TBC1D22A: variants seen among roughly 807,000 people sequenced by gnomAD.
TBC1D22A encodes putative GTPase activator.
Under a neutral mutation model 60.2 loss-of-function variants are expected in TBC1D22A, and 38 were observed. That is an observed-to-expected ratio of 0.63 (90% CI 0.49 to 0.83). The LOEUF (loss-of-function observed/expected upper bound fraction) is 0.83. Ranked by LOEUF, TBC1D22A falls within the 40% of genes least tolerant of loss-of-function variation. TBC1D22A has a pLI of 0.00. For synonymous variants in TBC1D22A, 302 were observed against 281.7 expected, an observed-to-expected ratio of 1.07 and a Z score of -0.72; for missense variants, 628 against 701.0, an observed-to-expected ratio of 0.90 and a Z score of 1.18.
intron 11 of TBC1D22A, among the ~76,000 whole-genome samples, chr22:47,110,842 G>A (rs2065819385): frequency 6.6e-6 from 1 of 152,340 alleles, no homozygotes; most frequent in South Asian, 2.1e-4. Context: ...GCCTCGGTGT[G>A]GGAGGGCCTC....
intron 7 of TBC1D22A, among the ~76,000 whole-genome samples, chr22:46,906,106 T>C (rs1314026888): frequency 3.3e-5 from 5 of 152,152 alleles, no homozygotes; most frequent in Non-Finnish European, 1.5e-5. Flanking sequence ...GGAGCCATCT[T>C]GGTTCTTGGC....
chr22:47,148,576 C>A (rs531571979), intron 12 of TBC1D22A, among the ~76,000 whole-genome samples: 1 of 151,746 alleles, frequency 6.6e-6, no homozygotes, highest in South Asian at 2.1e-4. Context: ...CCTGGGGTCC[C>A]TCTCTCTTGG....
At chr22:46,926,046 T>G (rs1281174097) in intron 8 of TBC1D22A, among the ~76,000 whole-genome samples, 1 of 152,174 alleles carries the variant, frequency 6.6e-6, no homozygotes, top group Non-Finnish European at 1.5e-5. Context: ...TGTAGACATT[T>G]TAGAACACAC....
chr22:47,006,785 G>A (rs1202022833), intron 10 of TBC1D22A, among the ~76,000 whole-genome samples: 1 of 152,200 alleles, frequency 6.6e-6, no homozygotes, highest in African/African-American at 2.4e-5. Context: ...GTTCCTGACT[G>A]TTCCTTTGTC....
In TBC1D22A at chr22:46,770,875, C is replaced by T. The variant is rs143424193; in HGVS notation, c.62+8027C>T. Among the ~76,000 whole-genome samples the T allele has an allele frequency of 5.3e-5, 8 of 152,256 alleles. No homozygotes were observed. The East Asian group carries it at 1.2e-3, about 22-fold the overall frequency. On this transcript the variant is annotated intron_variant, in intron 1 of 12. Transcript: ENST00000337137. ...AGAGGGAAGCCCCGGAGTCTTGTTC[C>T]GGCAGTGATTGTGTGTTCCCCGCCA... is the stretch of plus-strand genomic sequence containing the variant.
chr22:46,919,334 ACTTC>A (rs538881049), intron 8 of TBC1D22A, among the ~76,000 whole-genome samples: 4 of 152,222 alleles, frequency 2.6e-5, no homozygotes, highest in South Asian at 4.1e-4. Flanking sequence ...GTGAATCAGT[ACTTC>A]CTTCATTCCG....
chr22:47,074,908 A>C (rs1732708854), intron 11 of TBC1D22A, among the ~76,000 whole-genome samples: 1 of 152,186 alleles, frequency 6.6e-6, no homozygotes, highest in Non-Finnish European at 1.5e-5. Flanking sequence ...TGGGTTAATC[A>C]GATTGAACAA....
At chr22:47,086,582 G>T (rs1219845508) in intron 11 of TBC1D22A, among the ~76,000 whole-genome samples, 2 of 152,210 alleles carry the variant, frequency 1.3e-5, no homozygotes, top group Non-Finnish European at 2.9e-5. Context: ...CGGGATAAAA[G>T]TTTAATAAAG....
At chr22:47,154,791 G>T (rs963561682) in intron 12 of TBC1D22A, among the ~76,000 whole-genome samples, 5 of 152,218 alleles carry the variant, frequency 3.3e-5, no homozygotes, top group African/African-American at 1.2e-4. Flanking sequence ...CCCACTCTCA[G>T]CGGCCCCCTC....
At chr22:47,019,027 C>T (rs906842780) in intron 10 of TBC1D22A, among the ~76,000 whole-genome samples, 3 of 152,232 alleles carry the variant, frequency 2.0e-5, no homozygotes, top group African/African-American at 7.2e-5. Flanking sequence ...TATCCAGCCC[C>T]TGTAGTGTTG....
At chr22:46,899,893 G>T (rs1459182404) in intron 7 of TBC1D22A, among the ~76,000 whole-genome samples, 1 of 152,006 alleles carries the variant, frequency 6.6e-6, no homozygotes, top group Non-Finnish European at 1.5e-5. Flanking sequence ...TTTTTTAGTT[G>T]TGTGCTCCCC....
intron 8 of TBC1D22A, chr22:46,915,729 T>C (rs1220173679): frequency 4.4e-6 from 2 of 456,550 alleles, no homozygotes; most frequent in Non-Finnish European, 4.4e-6. Flanking sequence ...CTGGGCTCTT[T>C]CTGGGGATGT....
intron 11 of TBC1D22A, among the ~76,000 whole-genome samples, chr22:47,052,842 G>T (rs1390341782): frequency 2.0e-5 from 3 of 152,190 alleles, no homozygotes; most frequent in African/African-American, 7.2e-5. Context: ...CCACACGGTG[G>T]TGCCCGTCTG....
At chr22:46,812,275 C>T (rs567702211) in intron 4 of TBC1D22A, among the ~76,000 whole-genome samples, 14 of 152,286 alleles carry the variant, frequency 9.2e-5, no homozygotes, top group Non-Finnish European at 1.8e-4. Flanking sequence ...GCTCCCCTGC[C>T]GCTGCCTCCT....
intron 8 of TBC1D22A, among the ~76,000 whole-genome samples, chr22:46,958,676 C>T (rs1215452746): frequency 6.6e-6 from 1 of 152,196 alleles, no homozygotes; most frequent in African/African-American, 2.4e-5. Flanking sequence ...CGGGACTTTT[C>T]CCCCAGCTGC....
At chr22:46,782,838 T>C (rs2083999461) in intron 1 of TBC1D22A, among the ~76,000 whole-genome samples, 1 of 152,260 alleles carries the variant, frequency 6.6e-6, no homozygotes, top group Admixed American at 6.5e-5. Context: ...TACTCCATTG[T>C]GTGGTTAGGC....
intron 12 of TBC1D22A, among the ~76,000 whole-genome samples, chr22:47,153,235 C>T (rs1386232458): frequency 6.6e-6 from 1 of 152,224 alleles, no homozygotes; most frequent in Non-Finnish European, 1.5e-5. Context: ...CTGAATTCCA[C>T]CCACTGCTTC....
At chr22:47,095,511 T>A (rs553900881) in intron 11 of TBC1D22A, among the ~76,000 whole-genome samples, 1 of 152,370 alleles carries the variant, frequency 6.6e-6, no homozygotes, top group African/African-American at 2.4e-5. Context: ...TTGCATTTAA[T>A]CTTAGTCATT....
chr22:47,019,682 G>A (rs1391057955), intron 10 of TBC1D22A, among the ~76,000 whole-genome samples: 1 of 151,998 alleles, frequency 6.6e-6, no homozygotes, highest in Admixed American at 6.6e-5. Flanking sequence ...TCGGGGGTGT[G>A]CAGGGAAGGA....
Sources: gnomAD v4.1 joint callset for allele counts (sites outside exome capture counted in the v4.1 genomes callset) on GRCh38, gnomAD v4.1.1 for gene constraint, MANE v1.5 for transcripts, NCBI Gene and HGNC (gene_info 2026-07-23, HGNC 2026-07-21) for gene names.